The following CDH20 variants were observed in gnomAD, a reference collection of about 807,000 sequenced individuals.
CDH20 encodes cadherin-20.
In CDH20, 29 loss-of-function variants were observed where a neutral mutation model predicts 74.2. The ratio of observed to expected loss-of-function variants is 0.39; its 90% CI spans 0.29 to 0.53. CDH20 has a LOEUF of 0.53. Ranked by LOEUF, CDH20 falls within the 20% of genes least tolerant of loss-of-function variation. CDH20 has a pLI of 0.69. For missense variants in CDH20, 988 were observed against 1,048.3 expected (o/e 0.94, Z 0.79); for synonymous variants, 469 against 405.4 (o/e 1.16, Z -1.88).
chr18:61,366,909 G>C (rs1910880803), intron 1 of CDH20, among the ~76,000 whole-genome samples: 1 of 152,106 alleles, frequency 6.6e-6, no homozygotes, highest in Non-Finnish European at 1.5e-5. Context: ...TGGGATTATA[G>C]ATGAGGCTTA....
rs374135101 is a variant in CDH20 at position 61,376,992 on chromosome 18, C to A, written c.-153+43165C>A. Among the ~76,000 whole-genome samples, 4 of 152,200 alleles carry A rather than the reference C, an allele frequency of 2.6e-5. No individual in the cohort carries two copies. The South Asian group carries it at 8.3e-4, about 32-fold the overall frequency. The stretch of plus-strand genomic sequence containing the variant: ...AGGCTCAATAAAGGCTTAGCTGATA[C>A]GACCAGAAAAGTAGAGAATAATTTA... On this transcript the variant is annotated intron_variant, in intron 1 of 11. Transcript: ENST00000262717.
intron 1 of CDH20, among the ~76,000 whole-genome samples, chr18:61,418,168 C>T (rs1568131483): frequency 6.6e-6 from 1 of 152,164 alleles, no homozygotes; most frequent in African/African-American, 2.4e-5. Context: ...TTTAAAACAT[C>T]TTTGGAACCT....
At chr18:61,438,867 A>G (rs901157547) in intron 1 of CDH20, among the ~76,000 whole-genome samples, 10 of 152,192 alleles carry the variant, frequency 6.6e-5, no homozygotes, top group Non-Finnish European at 2.9e-5. Context: ...GTACCCATCA[A>G]TGGTGGATTG....
intron 1 of CDH20, among the ~76,000 whole-genome samples, chr18:61,357,572 T>C (rs912902241): frequency 1.3e-5 from 2 of 152,206 alleles, no homozygotes; most frequent in Non-Finnish European, 2.9e-5. Flanking sequence ...ACTGTGTCTA[T>C]ATTCCAGGCA....
At chr18:61,341,280 A>G (rs1355047679) in intron 1 of CDH20, among the ~76,000 whole-genome samples, 3 of 152,162 alleles carry the variant, frequency 2.0e-5, no homozygotes, top group African/African-American at 7.2e-5. Flanking sequence ...CCTTCTTCTG[A>G]GCTGCAGACT....
intron 1 of CDH20, among the ~76,000 whole-genome samples, chr18:61,416,429 G>A (rs896141313): frequency 6.6e-6 from 1 of 152,186 alleles, no homozygotes; most frequent in African/African-American, 2.4e-5. Context: ...ATTTCTCACA[G>A]AAATGTAGTC....
intron 1 of CDH20, among the ~76,000 whole-genome samples, chr18:61,375,799 A>T (rs1911203651): frequency 6.6e-6 from 1 of 152,080 alleles, no homozygotes; most frequent in Non-Finnish European, 1.5e-5. Flanking sequence ...TTTTAATAAT[A>T]TCAGGAACCA....
chr18:61,380,819 C>CAA (rs140359003), intron 1 of CDH20, among the ~76,000 whole-genome samples: 1 of 151,464 alleles, frequency 6.6e-6, no homozygotes, highest in Non-Finnish European at 1.5e-5. Flanking sequence ...CAAAACAAAA[C>CAA]AAAAAAAAGA....
intron 1 of CDH20, among the ~76,000 whole-genome samples, chr18:61,339,360 TAC>T (rs35630137): frequency 0.076 from 10,987 of 145,308 alleles, 594 homozygotes; most frequent in African/African-American, 0.16. Flanking sequence ...GCAAGTTTAT[TAC>T]ACACACACAC....
At position 61,449,323 on chromosome 18, in the gene CDH20, T is replaced by C. The variant is rs1599092988; in HGVS notation, c.-152-41079T>C. 2.0e-5 allele frequency among the ~76,000 whole-genome samples: 3 copies of C among 152,288 alleles called. No individual in the cohort carries two copies. In the South Asian group the frequency reaches 6.2e-4, roughly 32 times the overall value. On this transcript the variant is annotated intron_variant, in intron 1 of 11. Coordinates refer to ENST00000262717, the MANE Select transcript of CDH20 (RefSeq NM_031891.4). Reference sequence around the variant, plus strand: ...CTGTCAGGGAAGGAATAAAAACCTTTTGCTATTCACCTGTAACTTGAACAC... The same window carrying C: ...CTGTCAGGGAAGGAATAAAAACCTTCTGCTATTCACCTGTAACTTGAACAC...
chr18:61,385,748 G>A (rs1911575858), intron 1 of CDH20, among the ~76,000 whole-genome samples: 1 of 151,958 alleles, frequency 6.6e-6, no homozygotes, highest in African/African-American at 2.4e-5. Flanking sequence ...TGGCCAACAT[G>A]GTGAAACCCC....
rs1050124415 is a variant in CDH20, at chr18:61,518,574, T to C, written c.1018-9393T>C. On this transcript the variant is annotated intron_variant, in intron 6 of 11. Transcript: ENST00000262717. ...AACAAACAGAAAGGAATAACATTAATATCAACAAAAACAACATCCACACAG... is the reference window on the plus strand; with the variant it reads ...AACAAACAGAAAGGAATAACATTAACATCAACAAAAACAACATCCACACAG... Among the ~76,000 whole-genome samples the C allele has an allele frequency of 7.9e-5, 12 of 151,232 alleles. 3 individuals carry two copies. Among genetic ancestry groups the C allele is most frequent in the Admixed American group, 7.9e-4 (12 of 15,224 alleles).
At chr18:61,444,257 T>C (rs971833592) in intron 1 of CDH20, among the ~76,000 whole-genome samples, 1 of 152,152 alleles carries the variant, frequency 6.6e-6, no homozygotes, top group African/African-American at 2.4e-5. Flanking sequence ...TCAGTAAATG[T>C]CAGATGAATG....
At chr18:61,514,287 C>T (rs934119323) in intron 6 of CDH20, among the ~76,000 whole-genome samples, 78 of 152,220 alleles carry the variant, frequency 5.1e-4, no homozygotes, top group African/African-American at 1.6e-3. Flanking sequence ...TCCAGTTGAT[C>T]GCATCAGCTC....
intron 1 of CDH20, among the ~76,000 whole-genome samples, chr18:61,464,625 A>T (rs1477564988): frequency 1.3e-5 from 2 of 152,192 alleles, no homozygotes; most frequent in Non-Finnish European, 2.9e-5. Flanking sequence ...AGGAGCTGAC[A>T]GTTCCCTGCC....
chr18:61,404,752 A>C (rs1912271603), intron 1 of CDH20: 3 of 340,832 alleles, frequency 8.8e-6, no homozygotes, highest in Non-Finnish European at 1.6e-5. Flanking sequence ...TTTCCTTGGC[A>C]GTTAAAAAAA....
intron 1 of CDH20, among the ~76,000 whole-genome samples, chr18:61,436,139 G>T (rs1025256413): frequency 1.3e-5 from 2 of 152,070 alleles, no homozygotes; most frequent in African/African-American, 2.4e-5. Flanking sequence ...CAATTATGTG[G>T]CTATAGCACA....
At chr18:61,459,965 A>G (rs907376620) in intron 1 of CDH20, among the ~76,000 whole-genome samples, 1 of 152,218 alleles carries the variant, frequency 6.6e-6, no homozygotes, top group African/African-American at 2.4e-5. Context: ...AAAGTGTCCC[A>G]TACTCAATTC....
intron 1 of CDH20, among the ~76,000 whole-genome samples, chr18:61,418,298 T>C (rs917930526): frequency 3.3e-5 from 5 of 152,112 alleles, no homozygotes; most frequent in African/African-American, 1.2e-4. Context: ...CTCACGCCTG[T>C]AATCCCAGCA....
Sources: allele counts gnomAD v4.1 joint callset (sites outside exome capture counted in the v4.1 genomes callset), GRCh38; gene constraint gnomAD v4.1.1; transcripts MANE v1.5; gene names NCBI Gene and HGNC (gene_info 2026-07-23, HGNC 2026-07-21).